Variants in BANK1 observed in about 807,000 individuals in gnomAD.
The protein encoded by BANK1 is B-cell scaffold protein with ankyrin repeats.
A neutral mutation model predicts 94.5 loss-of-function variants in BANK1; 95 were observed. The ratio of observed to expected loss-of-function variants is 1.00; its 90% CI spans 0.85 to 1.19. The LOEUF (loss-of-function observed/expected upper bound fraction) is 1.19, where lower values mean the gene tolerates loss of function less well. Ranked by LOEUF, BANK1 falls within the 50% of genes most tolerant of loss-of-function variation. The pLI is 0.00. For synonymous variants in BANK1, 334 were observed against 308.4 expected, an observed-to-expected ratio of 1.08 and a Z score of -0.87; for missense variants, 987 against 932.2, an observed-to-expected ratio of 1.06 and a Z score of -0.77.
At chr4:101,826,601 ATACTGAAT>A (rs1458964871) in intron 1 of BANK1, among the ~76,000 whole-genome samples, 1 of 152,032 alleles carries the variant, frequency 6.6e-6, no homozygotes, top group African/African-American at 2.4e-5. Context: ...AAACATAAAA[ATACTGAAT>A]TATGGCATAA....
At chr4:101,906,327 A>G (rs966211443) in intron 6 of BANK1, among the ~76,000 whole-genome samples, 1 of 152,206 alleles carries the variant, frequency 6.6e-6, no homozygotes, top group Non-Finnish European at 1.5e-5. Flanking sequence ...TGTAGCTATA[A>G]TATTTCCCTG....
chr4:102,070,601 T>C (rs79398324), intron 13 of BANK1, among the ~76,000 whole-genome samples: 6,208 of 152,248 alleles, frequency 0.041, 425 homozygotes, highest in African/African-American at 0.14. Context: ...ATCAGCAAAT[T>C]CCCTCTCCCC....
intron 1 of BANK1, among the ~76,000 whole-genome samples, chr4:101,800,647 G>C (rs1725329100): frequency 1.3e-5 from 2 of 152,168 alleles, no homozygotes; most frequent in South Asian, 4.1e-4. Flanking sequence ...CTTCCTGTGT[G>C]AATCTAAGAG....
At chr4:101,813,421 A>G (rs956764365) in intron 1 of BANK1, among the ~76,000 whole-genome samples, 6 of 152,206 alleles carry the variant, frequency 3.9e-5, no homozygotes, top group Admixed American at 6.5e-5. Flanking sequence ...GACTGTAATC[A>G]TCTACTATGA....
chr4:102,055,525 A>G (rs1728198107), intron 11 of BANK1, among the ~76,000 whole-genome samples: 1 of 152,052 alleles, frequency 6.6e-6, no homozygotes, highest in South Asian at 2.1e-4. Context: ...TAAAACGTGT[A>G]ATTATTGGGA....
At chr4:101,926,402 C>T (rs1442001169) in intron 7 of BANK1, among the ~76,000 whole-genome samples, 1 of 151,606 alleles carries the variant, frequency 6.6e-6, no homozygotes, top group East Asian at 2.0e-4. Context: ...ATAAATGGCA[C>T]CAGTTGAAGG....
chr4:101,823,749 C>T (rs567534132), intron 1 of BANK1, among the ~76,000 whole-genome samples: 1 of 152,298 alleles, frequency 6.6e-6, no homozygotes, highest in African/African-American at 2.4e-5. Flanking sequence ...CTGTTTGCAT[C>T]TTAAAAGAAG....
rs898561362 is a variant in BANK1, at chr4:101,882,095, A to G, written c.903+11451A>G. 4.6e-5 allele frequency among the ~76,000 whole-genome samples: 7 copies of G among 152,196 alleles called. No homozygotes were observed. In the South Asian group the frequency reaches 8.3e-4, roughly 18 times the overall value. ...GTGTCATGGGATTGTTTGTAACACA[A>G]AGGATAAATGCTTGAGGGGATGGAT... On this transcript the variant is annotated intron_variant, in intron 5 of 16. Coordinates refer to ENST00000322953, the MANE Select transcript of BANK1 (RefSeq NM_017935.5).
intron 5 of BANK1, among the ~76,000 whole-genome samples, chr4:101,891,702 T>C (rs1050770317): frequency 4.0e-5 from 6 of 151,492 alleles, no homozygotes; most frequent in African/African-American, 1.5e-4. Context: ...TTGTTCAGAT[T>C]GAGTAATTTT....
chr4:101,807,715 C>T (rs1456008177), intron 1 of BANK1, among the ~76,000 whole-genome samples: 1 of 152,098 alleles, frequency 6.6e-6, no homozygotes, highest in Non-Finnish European at 1.5e-5. Flanking sequence ...GTGTTACAAG[C>T]AGGAAATCTA....
intron 7 of BANK1, among the ~76,000 whole-genome samples, chr4:101,927,534 T>A (rs150879253): frequency 5.5e-4 from 83 of 151,708 alleles, no homozygotes; most frequent in African/African-American, 1.8e-3. Context: ...ATAGTCCAGA[T>A]GATAGATGAT....
intron 7 of BANK1, among the ~76,000 whole-genome samples, chr4:102,001,079 G>A (rs1449221944): frequency 6.6e-6 from 1 of 152,160 alleles, no homozygotes; most frequent in African/African-American, 2.4e-5. Context: ...AGCCCATGAA[G>A]AACACTAAAA....
intron 2 of BANK1, among the ~76,000 whole-genome samples, chr4:101,838,539 C>T (rs1025706428): frequency 6.6e-6 from 1 of 151,978 alleles, no homozygotes; most frequent in African/African-American, 2.4e-5. Context: ...AGCATGATTC[C>T]AAGGCTTTTC....
intron 7 of BANK1, among the ~76,000 whole-genome samples, chr4:101,957,046 T>C (rs939283953): frequency 2.6e-5 from 4 of 152,322 alleles, no homozygotes; most frequent in Non-Finnish European, 5.9e-5. Flanking sequence ...TTTCCTATGA[T>C]AGTATAGCGA....
chr4:101,983,074 A>G (rs1725374079), intron 7 of BANK1, among the ~76,000 whole-genome samples: 1 of 152,016 alleles, frequency 6.6e-6, no homozygotes, highest in South Asian at 2.1e-4. Flanking sequence ...AACAAATTGT[A>G]GTTTGGTTAG....
intron 7 of BANK1, among the ~76,000 whole-genome samples, chr4:101,950,720 T>A (rs1340463831): frequency 6.6e-6 from 1 of 152,176 alleles, no homozygotes; most frequent in East Asian, 1.9e-4. Context: ...GAGACCACCT[T>A]CACAGTGGAA....
intron 5 of BANK1, 38 bp from the exon 6 acceptor site, chr4:101,895,263 ATAAT>A: frequency 8.6e-7 from 1 of 1,157,600 alleles, no homozygotes; most frequent in East Asian, 2.6e-5. Context: ...TTCTATGTAA[ATAAT>A]TAACCTAGTG....
intron 15 of BANK1, among the ~76,000 whole-genome samples, chr4:102,072,734 A>G (rs1473104477): frequency 6.6e-6 from 1 of 152,240 alleles, no homozygotes; most frequent in East Asian, 1.9e-4. Context: ...ATCACAATGT[A>G]TACAGTCCTT....
intron 5 of BANK1, among the ~76,000 whole-genome samples, chr4:101,887,706 C>G (rs1728906026): frequency 6.6e-6 from 1 of 152,064 alleles, no homozygotes; most frequent in Admixed American, 6.6e-5. Context: ...GATTCTACAA[C>G]TATATGAAAA....
Sources: gnomAD v4.1 joint callset for allele counts (sites outside exome capture counted in the v4.1 genomes callset) on GRCh38, gnomAD v4.1.1 for gene constraint, MANE v1.5 for transcripts, NCBI Gene and HGNC (gene_info 2026-07-23, HGNC 2026-07-21) for gene names.